SDK1: variants seen among roughly 807,000 people sequenced by gnomAD.
The protein encoded by SDK1 is sidekick cell adhesion molecule 1, also known as protein sidekick-1.
In SDK1, 157 loss-of-function variants were observed where a neutral mutation model predicts 245.5. The ratio of observed to expected loss-of-function variants is 0.64; its 90% confidence interval spans 0.56 to 0.73. The LOEUF is 0.73. SDK1 is among the 30% of genes least tolerant of loss of function. SDK1 has a pLI of 0.00. For synonymous variants in SDK1, 1,647 were observed against 1,278.5 expected (o/e 1.29, Z -6.15); for missense variants, 3,583 against 3,002.3 (o/e 1.19, Z -4.52).
chr7:3,360,776 T>TC (rs1201138940), intron 1 of SDK1, among the ~76,000 whole-genome samples: 1 of 152,062 alleles, frequency 6.6e-6, no homozygotes, highest in Non-Finnish European at 1.5e-5. Context: ...CAGTCCCCCC[T>TC]CCCCACAGAG....
intron 1 of SDK1, among the ~76,000 whole-genome samples, chr7:3,606,152 T>G (rs902909973): frequency 1.5e-4 from 23 of 152,300 alleles, no homozygotes; most frequent in African/African-American, 5.5e-4. Context: ...CATCATGAGT[T>G]CCCATTTCGG....
Position 4,063,860 on chromosome 7 carries a change from A to G in SDK1, c.2912-3978A>G, listed in dbSNP as rs1187699930. Among the ~76,000 whole-genome samples the G allele has an allele frequency of 2.6e-5, 4 of 152,182 alleles. No homozygotes were observed. The East Asian group carries it at 7.7e-4, about 29-fold the overall frequency. ...TGATTTTCGATAAAGGTGGCAGGAT[A>G]CCTTCAATAATTTTGGTGCTAGGAA... On this transcript the variant is annotated intron_variant, in intron 19 of 44. Coordinates refer to ENST00000404826, the MANE Select transcript of SDK1 (RefSeq NM_152744.4).
chr7:4,156,523 A>C (rs1780750116), intron 30 of SDK1, among the ~76,000 whole-genome samples: 1 of 152,222 alleles, frequency 6.6e-6, no homozygotes, highest in African/African-American at 2.4e-5. Flanking sequence ...GGAAGTACCA[A>C]GACCAGACCA....
Position 3,373,425 on chromosome 7 carries a change from T to C in SDK1, c.298+71541T>C, listed in dbSNP as rs140791743. Reference sequence around the variant, plus strand: ...ATGACAGAAAACCATATGGTCTCAATAGATGTTAGGGAGGTACTTGACAAA... The same window carrying C: ...ATGACAGAAAACCATATGGTCTCAACAGATGTTAGGGAGGTACTTGACAAA... On this transcript the variant is annotated intron_variant, in intron 1 of 44. Transcript: ENST00000404826. 1.9e-4 allele frequency among the ~76,000 whole-genome samples: 29 copies of C among 152,338 alleles called. No individual in the cohort carries two copies. The East Asian group carries it at 5.0e-3, about 26-fold the overall frequency.
At position 4,226,336 on chromosome 7, in the gene SDK1, C is replaced by T. The variant is rs552044044; in HGVS notation, c.5827+4972C>T. 3.9e-5 allele frequency among the ~76,000 whole-genome samples: 6 copies of T among 152,346 alleles called. No homozygotes were observed. The East Asian group carries it at 1.2e-3, about 29-fold the overall frequency. The stretch of plus-strand genomic sequence containing the variant: ...CGGCTCGGCCTGATGTCTCTCTATC[C>T]AGCTGAGTCTCTACCTTGCCCCTGG... On this transcript the variant is annotated intron_variant, in intron 40 of 44. Coordinates refer to ENST00000404826, the MANE Select transcript of SDK1 (RefSeq NM_152744.4).
chr7:3,818,913 G>C (rs12701191), intron 4 of SDK1, among the ~76,000 whole-genome samples: 20,750 of 152,184 alleles, frequency 0.14, 2,644 homozygotes, highest in African/African-American at 0.34. Flanking sequence ...CTCTTGTGTT[G>C]CATGGCTGGA....
intron 4 of SDK1, among the ~76,000 whole-genome samples, chr7:3,770,565 C>G (rs1442501790): frequency 1.3e-5 from 2 of 152,186 alleles, no homozygotes; most frequent in African/African-American, 4.8e-5. Flanking sequence ...ACATTCTCAC[C>G]AGCAACGTCT....
intron 1 of SDK1, among the ~76,000 whole-genome samples, chr7:3,441,481 A>G (rs1043536232): frequency 3.3e-5 from 5 of 152,124 alleles, no homozygotes; most frequent in African/African-American, 1.2e-4. Context: ...CCCTTCCTTC[A>G]CTGAATTGCC....
intron 1 of SDK1, among the ~76,000 whole-genome samples, chr7:3,463,825 A>AG (rs1182728947): frequency 6.6e-6 from 1 of 152,024 alleles, no homozygotes; most frequent in African/African-American, 2.4e-5. Flanking sequence ...AGGCCATAGG[A>AG]GGAGGGTCTA....
chr7:3,761,898 G>A (rs1045423189), intron 4 of SDK1, among the ~76,000 whole-genome samples: 1 of 152,098 alleles, frequency 6.6e-6, no homozygotes, highest in Non-Finnish European at 1.5e-5. Context: ...TTTCACATCA[G>A]GCTCAGTGTG....
intron 30 of SDK1, among the ~76,000 whole-genome samples, chr7:4,150,903 A>G (rs759241633): frequency 6.6e-6 from 1 of 152,238 alleles, no homozygotes; most frequent in Non-Finnish European, 1.5e-5. Context: ...GCGTCTCAGT[A>G]CAGAGCTGTG....
chr7:3,953,553 C>A (rs902837741), intron 7 of SDK1, among the ~76,000 whole-genome samples: 2 of 152,112 alleles, frequency 1.3e-5, no homozygotes, highest in African/African-American at 4.8e-5. Context: ...TAGATTCAGC[C>A]AAAATTAAAA....
At chr7:3,708,933 A>G (rs1036506275) in intron 4 of SDK1, among the ~76,000 whole-genome samples, 2 of 152,242 alleles carry the variant, frequency 1.3e-5, no homozygotes, top group African/African-American at 4.8e-5. Flanking sequence ...TAGGCCATTT[A>G]CATTTAATGT....
At position 3,752,850 on chromosome 7, in the gene SDK1, C is replaced by G. The variant is rs149429204; in HGVS notation, c.714-68600C>G. ...TTCTCTATATAGTATAGTAGTATCT[C>G]TATTATCTTAACACAGTCTTGGAAA... is the stretch of plus-strand genomic sequence containing the variant. On this transcript the variant is annotated intron_variant, in intron 4 of 44. Coordinates refer to ENST00000404826, the MANE Select transcript of SDK1 (RefSeq NM_152744.4). 3.2e-4 allele frequency among the ~76,000 whole-genome samples: 49 copies of G among 152,252 alleles called. No individual in the cohort carries two copies. In the East Asian group the frequency reaches 7.7e-3, roughly 24 times the overall value.
chr7:3,334,798 GGT>G (rs1293287375), intron 1 of SDK1, among the ~76,000 whole-genome samples: 2 of 152,018 alleles, frequency 1.3e-5, no homozygotes, highest in African/African-American at 2.4e-5. Flanking sequence ...GAAGTCTAGA[GGT>G]ATATTTCCAA....
At chr7:3,661,152 C>G (rs1783342184) in intron 4 of SDK1, among the ~76,000 whole-genome samples, 2 of 152,188 alleles carry the variant, frequency 1.3e-5, no homozygotes, top group Non-Finnish European at 2.9e-5. Flanking sequence ...GTTCAGTATT[C>G]TAGCTAAAAT....
rs144961469 is a variant in SDK1, at chr7:3,769,901, A to G, written c.714-51549A>G. On this transcript the variant is annotated intron_variant, in intron 4 of 44. Transcript: ENST00000404826. Reference sequence around the variant, plus strand: ...ATTGATGCTCAGCTGAAAGTCAAACACTCAGATTTTCTCAGTGTTATTTGT... The same window carrying G: ...ATTGATGCTCAGCTGAAAGTCAAACGCTCAGATTTTCTCAGTGTTATTTGT... Among the ~76,000 whole-genome samples the G allele has an allele frequency of 2.7e-3, 399 of 150,440 alleles. 1 individual carries two copies. Among genetic ancestry groups the G allele is most frequent in the African/African-American group, 9.4e-3 (383 of 40,868 alleles).
intron 4 of SDK1, among the ~76,000 whole-genome samples, chr7:3,682,820 C>T (rs1482832338): frequency 2.6e-5 from 4 of 152,052 alleles, no homozygotes; most frequent in Middle Eastern, 6.8e-3. Flanking sequence ...CTCACTGCAA[C>T]CCCCACTTCC....
At chr7:3,502,780 C>G (rs1431182523) in intron 1 of SDK1, among the ~76,000 whole-genome samples, 2 of 152,186 alleles carry the variant, frequency 1.3e-5, no homozygotes, top group African/African-American at 4.8e-5. Context: ...ATTAACAACA[C>G]ATTTCTTACA....
Sources: allele counts gnomAD v4.1 joint callset (sites outside exome capture counted in the v4.1 genomes callset), GRCh38; gene constraint gnomAD v4.1.1; transcripts MANE v1.5; gene names NCBI Gene and HGNC (gene_info 2026-07-23, HGNC 2026-07-21).